ZAN: variants seen among roughly 807,000 people sequenced by gnomAD.
ZAN encodes zonadhesin (gene/pseudogene).
In ZAN, 260 loss-of-function variants were observed where a neutral mutation model predicts 286.2. The ratio of observed to expected loss-of-function variants is 0.91; its 90% CI spans 0.82 to 1.01. ZAN has a LOEUF of 1.01. ZAN is among the 50% of genes least tolerant of loss of function. The pLI is 0.00. For missense variants in ZAN, 3,410 were observed against 3,639.2 expected (o/e 0.94, Z 1.62); for synonymous variants, 1,368 against 1,417.5 (o/e 0.97, Z 0.79).
In ZAN at chr7:100,762,330, T is replaced by A; in HGVS notation, c.3958T>A (p.Trp1320Arg). The A allele has an allele frequency of 6.2e-7, 1 of 1,611,284 alleles. No individual in the cohort carries two copies. Among genetic ancestry groups the A allele is most frequent in the Non-Finnish European group, 8.5e-7 (1 of 1,178,684 alleles). Reference sequence around the variant, plus strand: ...AGACAAGGAGGAGCTGGGGAACAGCTGGCAGACGGACCAGGACGAGGACCA... The same window carrying A: ...AGACAAGGAGGAGCTGGGGAACAGCAGGCAGACGGACCAGGACGAGGACCA... ...AGDKEELGNSWQTDQDEDQEC... is the reference protein window; with the variant it reads ...AGDKEELGNSRQTDQDEDQEC... The change falls in exon 20 of 48, where the codon TGG becomes AGG. Residue 1320 changes from tryptophan (W) to arginine (R), a missense_variant. Trp to Arg is a moderately radical substitution (Grantham distance 101, BLOSUM62 -3). This residue lies in a region of ZAN where 1,042 missense variants were observed against 1,058.0 expected (regional missense o/e 0.98). Coordinates refer to ENST00000613979, the MANE Select transcript of ZAN (RefSeq NM_003386.3).
intron 27 of ZAN, 79 bp from the exon 28 acceptor site, chr7:100,769,801 C>T (rs911114708): frequency 2.4e-5 from 32 of 1,326,398 alleles, no homozygotes; most frequent in Non-Finnish European, 3.2e-5. Flanking sequence ...CCTGCCTTGG[C>T]TTCCCAAAGT....
intron 35 of ZAN, among the ~76,000 whole-genome samples, chr7:100,781,072 T>A (rs1811169820): frequency 1.3e-5 from 2 of 152,090 alleles, no homozygotes; most frequent in South Asian, 2.1e-4. Flanking sequence ...TTTTTTTATT[T>A]TATATATATT....
chr7:100,785,970 C>G, intron 36 of ZAN, 27 bp from the exon 37 acceptor site: 1 of 1,604,128 alleles, frequency 6.2e-7, no homozygotes, highest in South Asian at 1.1e-5. Context: ...CCTCCTCACT[C>G]TCTTTCTCTT....
chr7:100,759,336 T>C (rs1809377045), intron 17 of ZAN, among the ~76,000 whole-genome samples: 1 of 151,614 alleles, frequency 6.6e-6, no homozygotes, highest in Non-Finnish European at 1.5e-5. Context: ...AGCCCAAGAG[T>C]TGGAGGCTGC....
intron 7 of ZAN, among the ~76,000 whole-genome samples, chr7:100,744,923 GC>G (rs754464874): frequency 6.7e-5 from 10 of 149,302 alleles, no homozygotes; most frequent in Non-Finnish European, 4.4e-5. Flanking sequence ...TCGCTCTGTC[GC>G]CCAGGCTGGA....
Position 100,748,204 on chromosome 7 carries a change from C to T in ZAN, c.1091C>T (p.Ala364Val). Residue 364 changes from alanine (A) to valine (V), a missense_variant, in exon 10 of 48, where the codon GCT (alanine) becomes GTT (valine). Ala to Val is a moderately conservative substitution (Grantham distance 64). Around this residue, in one of 7 missense-constraint regions of ZAN, gnomAD observed 872 missense variants for 938.9 expected, o/e 0.93. Transcript: ENST00000613979. Reference sequence around the variant, plus strand: ...GTGGCAGTTGATGCAACCAGCATTGCTCCTTGTGGGGGTGAGAGCAGGCCC... The same window carrying T: ...GTGGCAGTTGATGCAACCAGCATTGTTCCTTGTGGGGGTGAGAGCAGGCCC... ...PAVAVDATSI[A>V]PCGEGFPQCD... The T allele has an allele frequency of 6.2e-7, 1 of 1,613,884 alleles. No homozygotes were observed. Among genetic ancestry groups the T allele is most frequent in the Non-Finnish European group, 8.5e-7 (1 of 1,179,872 alleles).
chr7:100,772,678 A>G (rs1448421609), intron 29 of ZAN, among the ~76,000 whole-genome samples: 3 of 151,574 alleles, frequency 2.0e-5, no homozygotes, highest in South Asian at 2.1e-4. Flanking sequence ...AAAATTAGCC[A>G]GGCGTGGTGG....
At chr7:100,789,558 C>G (rs542213073) in intron 39 of ZAN, among the ~76,000 whole-genome samples, 5 of 152,246 alleles carry the variant, frequency 3.3e-5, no homozygotes, top group Non-Finnish European at 7.4e-5. Context: ...GCCAGAAATC[C>G]CAGCGCTCCG....
intron 40 of ZAN, 77 bp from the exon 41 acceptor site, chr7:100,791,889 G>C: frequency 6.7e-7 from 1 of 1,488,060 alleles, no homozygotes; most frequent in Non-Finnish European, 9.0e-7. Context: ...CACCATGCCC[G>C]GCTAATCAGT....
Position 100,751,972 on chromosome 7 carries a change from TC to T in ZAN, c.1868del (p.Ser623Ter). On this transcript the variant is annotated frameshift_variant, in exon 14 of 48. Coordinates refer to ENST00000613979, the MANE Select transcript of ZAN (RefSeq NM_003386.3). LOFTEE classifies it high-confidence loss of function. Reference protein sequence around the residue: ...NMPSEKPTIPSEKPTILTEKP... With the variant: ...NMPSEKPTIPXEKPTILTEKP... The stretch of plus-strand genomic sequence containing the variant: ...GCCCTCAGAAAAACCCACCATTCCC[TC>T]AGAAAAACCCACCATCCTCACAGAA... 6.4e-7 allele frequency: 1 copy of T among 1,554,034 alleles called. No individual in the cohort carries two copies. The highest frequency in any genetic ancestry group is 8.7e-7 in the Non-Finnish European group (1 of 1,153,232).
chr7:100,753,629 C>T (rs1220570533), intron 14 of ZAN, among the ~76,000 whole-genome samples: 2 of 151,296 alleles, frequency 1.3e-5, no homozygotes, highest in South Asian at 4.2e-4. Context: ...TTGAGACCAG[C>T]CTAGGCAACA....
At chr7:100,785,160 T>C (rs1369629446) in intron 36 of ZAN, among the ~76,000 whole-genome samples, 2 of 151,808 alleles carry the variant, frequency 1.3e-5, no homozygotes, top group East Asian at 3.9e-4. Flanking sequence ...TCCTCATCTG[T>C]AAAATGGGTT....
Position 100,755,217 on chromosome 7 carries a change from T to C in ZAN, c.3125-9T>C, listed in dbSNP as rs911798533. The stretch of plus-strand genomic sequence containing the variant: ...AATGAAAGCATGACAGAGGCTGTTT[T>C]CCCCTTAGAGCGCTGCCCTCCAAAT... On this transcript the variant is annotated splice_polypyrimidine_tract_variant and intron_variant, in intron 14 of 47. Transcript: ENST00000613979. The C allele has an allele frequency of 6.2e-7, 1 of 1,603,482 alleles. No homozygotes were observed. Among genetic ancestry groups the C allele is most frequent in the Non-Finnish European group, 8.5e-7 (1 of 1,173,560 alleles).
chr7:100,740,306 T>TA (rs1554397212), intron 7 of ZAN, among the ~76,000 whole-genome samples: 13 of 130,484 alleles, frequency 1.0e-4, no homozygotes, highest in African/African-American at 3.6e-4. Context: ...TTTTTTTTTT[T>TA]AATTTATTTT....
rs1809300007 is a variant in ZAN, at chr7:100,758,327, T to C, written c.3435T>C (p.Tyr1145=). The change falls in exon 16 of 48, where the codon TAT becomes TAC. Residue 1145 remains tyrosine, a synonymous_variant. Transcript: ENST00000613979. ...TGTGCCAGCTTAAGAATGGCCAGTA[T>C]GGATGCCACCCCTACGGTGAGAGCC... ...HTVCQLKNGQ[Y]GCHPYAGTAT... is the part of the protein sequence containing the mutation. The C allele has an allele frequency of 3.7e-6, 6 of 1,613,030 alleles. No homozygotes were observed. Among genetic ancestry groups the C allele is most frequent in the South Asian group, 3.3e-5 (3 of 91,058 alleles).
chr7:100,742,761 C>T, intron 7 of ZAN, among the ~76,000 whole-genome samples: 1 of 58,408 alleles, frequency 1.7e-5, no homozygotes, highest in East Asian at 4.0e-4. Context: ...CAGGCTGAGG[C>T]AGGAGAATCA....
At chr7:100,785,972 C>G (rs766862392) in intron 36 of ZAN, 25 bp from the exon 37 acceptor site, 2 of 1,605,634 alleles carry the variant, frequency 1.2e-6, no homozygotes, top group South Asian at 1.1e-5. Context: ...TCCTCACTCT[C>G]TTTCTCTTCC....
intron 28 of ZAN, among the ~76,000 whole-genome samples, chr7:100,771,406 C>T (rs1810355201): frequency 6.6e-6 from 1 of 151,604 alleles, no homozygotes; most frequent in South Asian, 2.1e-4. Context: ...CTGTATTGCT[C>T]AGGCTGGAAA....
At position 100,792,362 on chromosome 7, in the gene ZAN, TC is replaced by T. The variant is rs761448268; in HGVS notation, c.7713-39del. On this transcript the variant is annotated intron_variant, in intron 41 of 47. Transcript: ENST00000613979. ...TTCTGCAGGGGTGGGTCTCCTCCCC[TC>T]CCCAAACTGACTGTGCCCTTCCTGC... 2.6e-6 allele frequency: 4 copies of T among 1,560,300 alleles called. No homozygotes were observed. The South Asian group carries it at 3.6e-5, about 14-fold the overall frequency.
Sources: gnomAD v4.1 joint callset for allele counts (sites outside exome capture counted in the v4.1 genomes callset) on GRCh38, gnomAD v4.1.1 for gene constraint, gnomAD v4.1.1 regional missense constraint, MANE v1.5 for transcripts, NCBI Gene and HGNC (gene_info 2026-07-23, HGNC 2026-07-21) for gene names.